Variants in GALNT17 observed in about 807,000 individuals in gnomAD.
GALNT17 encodes the protein UDP-GalNAc:polypeptide N-acetylgalactosaminyltransferase-like 3.
A neutral mutation model predicts 63.7 loss-of-function variants in GALNT17; 29 were observed. The observed-to-expected ratio is 0.46, with a 90% confidence interval of 0.34 to 0.62. GALNT17 has a LOEUF of 0.62. GALNT17 is among the 20% of genes least tolerant of loss of function. The pLI, the probability that GALNT17 is intolerant of heterozygous loss-of-function variation, is 0.01. For synonymous variants in GALNT17, 305 were observed against 318.3 expected (o/e 0.96, Z 0.45); for missense variants, 603 against 799.6 (o/e 0.75, Z 2.97).
intron 6 of GALNT17, among the ~76,000 whole-genome samples, chr7:71,577,607 A>G (rs1253959129): frequency 6.6e-6 from 1 of 152,100 alleles, no homozygotes; most frequent in African/African-American, 2.4e-5. Context: ...TTGCTCCATA[A>G]CAGTCACCAG....
intron 6 of GALNT17, among the ~76,000 whole-genome samples, chr7:71,575,195 G>A (rs1169406829): frequency 6.6e-6 from 1 of 152,032 alleles, no homozygotes; most frequent in African/African-American, 2.4e-5. Context: ...CATAATAAAT[G>A]CATTCTTAAG....
intron 5 of GALNT17, among the ~76,000 whole-genome samples, chr7:71,537,829 A>T (rs1788825071): frequency 6.6e-6 from 1 of 152,128 alleles, no homozygotes. Context: ...ACGAAAACAA[A>T]AACAAAAAGT....
intron 6 of GALNT17, among the ~76,000 whole-genome samples, chr7:71,610,301 G>A (rs370153547): frequency 2.0e-5 from 3 of 152,080 alleles, no homozygotes; most frequent in East Asian, 3.9e-4. Flanking sequence ...GACCAACCTG[G>A]GCAACGTAGC....
rs1280168462 is a variant in GALNT17, at chr7:71,269,423, C to T, written c.239-66127C>T. 7.9e-5 allele frequency among the ~76,000 whole-genome samples: 12 copies of T among 152,136 alleles called. No individual in the cohort carries two copies. In the East Asian group the frequency reaches 9.6e-4, roughly 12 times the overall value. On this transcript the variant is annotated intron_variant, in intron 1 of 10. Coordinates refer to ENST00000333538, the MANE Select transcript of GALNT17 (RefSeq NM_022479.3). ...TTGAGGCTGCAGTGAGCTATGATTG[C>T]GCCACTGTACTTCAGGTTGGGCAAC...
chr7:71,532,411 G>A (rs1319502674), intron 5 of GALNT17, among the ~76,000 whole-genome samples: 2 of 152,204 alleles, frequency 1.3e-5, no homozygotes, highest in South Asian at 4.1e-4. Context: ...TCATTTGCAC[G>A]AAATTTTTTG....
intron 8 of GALNT17, among the ~76,000 whole-genome samples, chr7:71,674,668 AC>A (rs1791121463): frequency 6.6e-6 from 1 of 152,040 alleles, no homozygotes; most frequent in Admixed American, 6.6e-5. Flanking sequence ...AACACATGCC[AC>A]CATGCCTAGC....
At chr7:71,588,051 A>G (rs988871770) in intron 6 of GALNT17, among the ~76,000 whole-genome samples, 1 of 152,212 alleles carries the variant, frequency 6.6e-6, no homozygotes. Flanking sequence ...TGGTATTTAG[A>G]GACCGAAGTC....
intron 1 of GALNT17, among the ~76,000 whole-genome samples, chr7:71,214,867 C>A (rs756887405): frequency 2.0e-5 from 3 of 152,134 alleles, no homozygotes; most frequent in African/African-American, 4.8e-5. Flanking sequence ...CGTGAGCCAC[C>A]GCACCTGGCC....
chr7:71,513,327 T>C (rs989438803), intron 5 of GALNT17, among the ~76,000 whole-genome samples: 4 of 152,144 alleles, frequency 2.6e-5, no homozygotes, highest in Admixed American at 2.6e-4. Context: ...TCACCCAGCT[T>C]GAACGATTAT....
intron 6 of GALNT17, among the ~76,000 whole-genome samples, chr7:71,655,031 C>A (rs1208573432): frequency 6.6e-6 from 1 of 152,120 alleles, no homozygotes; most frequent in Non-Finnish European, 1.5e-5. Context: ...CTCAGGTGAT[C>A]CGCCCACCTC....
At chr7:71,318,863 A>G (rs193224254) in intron 1 of GALNT17, among the ~76,000 whole-genome samples, 1 of 152,158 alleles carries the variant, frequency 6.6e-6, no homozygotes, top group African/African-American at 2.4e-5. Context: ...TAAATTCAGT[A>G]CGGAGTTGCA....
intron 1 of GALNT17, among the ~76,000 whole-genome samples, chr7:71,248,367 C>T (rs1389463722): frequency 1.3e-5 from 2 of 152,100 alleles, no homozygotes; most frequent in African/African-American, 2.4e-5. Context: ...AGAGCCAAAC[C>T]GTATCAGTTG....
At chr7:71,509,719 C>T (rs1183639813) in intron 5 of GALNT17, among the ~76,000 whole-genome samples, 1 of 152,102 alleles carries the variant, frequency 6.6e-6, no homozygotes, top group Non-Finnish European at 1.5e-5. Flanking sequence ...CCAGAAAGCA[C>T]TGTCAGGGGA....
At chr7:71,515,782 G>A (rs570280990) in intron 5 of GALNT17, among the ~76,000 whole-genome samples, 244 of 152,266 alleles carry the variant, frequency 1.6e-3, no homozygotes, top group African/African-American at 5.3e-3. Flanking sequence ...GTGAGGATGC[G>A]CCCAGATAAA....
At chr7:71,319,537 TG>T (rs1791565906) in intron 1 of GALNT17, among the ~76,000 whole-genome samples, 1 of 152,172 alleles carries the variant, frequency 6.6e-6, no homozygotes, top group African/African-American at 2.4e-5. Flanking sequence ...ATTTAGACTG[TG>T]GTGAATCCCA....
chr7:71,693,705 A>G (rs1791496804), intron 9 of GALNT17, among the ~76,000 whole-genome samples: 1 of 151,748 alleles, frequency 6.6e-6, no homozygotes, highest in South Asian at 2.1e-4. Context: ...TAAATAGCTA[A>G]TGGGTACTAG....
At chr7:71,275,433 G>T (rs767540329) in intron 1 of GALNT17, among the ~76,000 whole-genome samples, 1 of 152,118 alleles carries the variant, frequency 6.6e-6, no homozygotes, top group Admixed American at 6.5e-5. Flanking sequence ...AAATTCCCAG[G>T]CCCCACCTTC....
At chr7:71,560,905 A>G (rs1789244983) in intron 5 of GALNT17, among the ~76,000 whole-genome samples, 1 of 152,216 alleles carries the variant, frequency 6.6e-6, no homozygotes. Context: ...TGATACAACC[A>G]AAGAAGGGCA....
chr7:71,262,295 T>C (rs1389381370), intron 1 of GALNT17, among the ~76,000 whole-genome samples: 1 of 151,964 alleles, frequency 6.6e-6, no homozygotes, highest in Non-Finnish European at 1.5e-5. Context: ...ATTTTTTTTC[T>C]TGTAGAGGCA....
Sources: gnomAD v4.1 joint callset for allele counts (sites outside exome capture counted in the v4.1 genomes callset) on GRCh38, gnomAD v4.1.1 for gene constraint, MANE v1.5 for transcripts, NCBI Gene and HGNC (gene_info 2026-07-23, HGNC 2026-07-21) for gene names.